ATP8A2: variants seen among roughly 807,000 people sequenced by gnomAD.
ATP8A2 encodes the protein phospholipid-transporting ATPase IB.
Under a neutral mutation model 165.6 loss-of-function variants are expected in ATP8A2, and 100 were observed. That is an observed-to-expected ratio of 0.60 (90% CI 0.51 to 0.71). ATP8A2 has a LOEUF of 0.71. ATP8A2 is among the 30% of genes least tolerant of loss of function. The pLI is 0.00. For synonymous variants in ATP8A2, 543 were observed against 548.8 expected (o/e 0.99, Z 0.15); for missense variants, 1,227 against 1,479.5 (o/e 0.83, Z 2.80).
rs752820104 is a variant in ATP8A2, at chr13:25,578,872, T to C, written c.1840T>C (p.Cys614Arg). The stretch of plus-strand genomic sequence containing the variant: ...CTCAAAATATATGGAGGAAACATTA[T>C]GCCATCTGGAATACTTTGCCACGGA... ...KDSKYMEETL[C>R]HLEYFATEGL... Residue 614 changes from cysteine (C) to arginine (R), a missense_variant, in exon 21 of 37, where the codon TGC becomes CGC. Physicochemically the swap from Cys to Arg is radical, Grantham distance 180. This residue lies in a region of ATP8A2 where 592 missense variants were observed against 785.6 expected (regional missense o/e 0.75). Coordinates refer to ENST00000381655, the MANE Select transcript of ATP8A2 (RefSeq NM_016529.6). 1 of 1,611,448 alleles carries C rather than the reference T, an allele frequency of 6.2e-7. No individual in the cohort carries two copies. The highest frequency in any genetic ancestry group is 2.2e-5 in the East Asian group (1 of 44,862).
chr13:25,526,011 T>C (rs937771466), intron 2 of ATP8A2, among the ~76,000 whole-genome samples: 3 of 152,074 alleles, frequency 2.0e-5, no homozygotes, highest in Admixed American at 2.0e-4. Flanking sequence ...TTTTTTCTTC[T>C]CTGTGTATTT....
At chr13:25,714,104 T>G (rs1177981708) in intron 25 of ATP8A2, among the ~76,000 whole-genome samples, 2 of 151,202 alleles carry the variant, frequency 1.3e-5, no homozygotes, top group Non-Finnish European at 2.9e-5. Flanking sequence ...AGAAGCTGTA[T>G]CCCTCTGCTA....
intron 27 of ATP8A2, among the ~76,000 whole-genome samples, chr13:25,827,195 C>T (rs1951343506): frequency 6.6e-6 from 1 of 152,112 alleles, no homozygotes; most frequent in Admixed American, 6.6e-5. Context: ...CTGCAACCTC[C>T]ACCTCCCAGG....
chr13:25,520,857 G>A lies in ATP8A2; in HGVS notation c.222-9142G>A, dbSNP rs1292943126. 3.3e-5 allele frequency among the ~76,000 whole-genome samples: 5 copies of A among 152,136 alleles called. No individual in the cohort carries two copies. The East Asian group carries it at 5.8e-4, about 18-fold the overall frequency. ...TCTCGATTTCCTGACCTCGTGGTCT[G>A]CCCGCCTTGGCCTCCCAAAGTGTTG... On this transcript the variant is annotated intron_variant, in intron 2 of 36. Transcript: ENST00000381655.
At position 25,551,492 on chromosome 13, in the gene ATP8A2, T is replaced by G. The variant is rs1325329411; in HGVS notation, c.1046T>G (p.Ile349Ser). ...NRSHGEKNWYIKKMDTTSDNF... is the reference protein window; with the variant it reads ...NRSHGEKNWYSKKMDTTSDNF... The stretch of plus-strand genomic sequence containing the variant: ...TCTCATGGTGAAAAGAACTGGTACA[T>G]CAAGAAGATGGGTAAGTGTCGGGGT... The change falls in exon 11 of 37, where the codon ATC becomes AGC. Residue 349 changes from isoleucine (I) to serine (S), a missense_variant. Transcript: ENST00000381655. The G allele has an allele frequency of 6.2e-7, 1 of 1,603,426 alleles. No individual in the cohort carries two copies. The highest frequency in any genetic ancestry group is 8.5e-7 in the Non-Finnish European group (1 of 1,172,214).
chr13:25,458,416 T>G (rs1051586246), intron 1 of ATP8A2, among the ~76,000 whole-genome samples: 26 of 152,346 alleles, frequency 1.7e-4, no homozygotes, highest in Non-Finnish European at 2.6e-4. Flanking sequence ...GGTCTTTCTG[T>G]GTTGCCCATG....
At chr13:25,728,927 T>C (rs1177810440) in intron 25 of ATP8A2, among the ~76,000 whole-genome samples, 2 of 152,218 alleles carry the variant, frequency 1.3e-5, no homozygotes, top group African/African-American at 4.8e-5. Context: ...ACATTAACTC[T>C]GAAAACCCTG....
chr13:25,567,436 A>G (rs1350001398), intron 16 of ATP8A2: 4 of 456,098 alleles, frequency 8.8e-6, no homozygotes, highest in Middle Eastern at 6.5e-4. Context: ...TTTCCTCCTC[A>G]TCGTCTGCCC....
chr13:25,866,574 C>T (rs531461850), intron 33 of ATP8A2, among the ~76,000 whole-genome samples: 12 of 152,092 alleles, frequency 7.9e-5, no homozygotes, highest in African/African-American at 2.7e-4. Context: ...AAATGACAAC[C>T]CCCACCCCCC....
chr13:25,922,174 A>G (rs867405523), intron 33 of ATP8A2, among the ~76,000 whole-genome samples: 1 of 152,226 alleles, frequency 6.6e-6, no homozygotes, highest in Non-Finnish European at 1.5e-5. Context: ...AGGTGGGTCC[A>G]TCATCCTAAT....
intron 24 of ATP8A2, among the ~76,000 whole-genome samples, chr13:25,662,674 A>G (rs2042074787): frequency 6.6e-6 from 1 of 152,172 alleles, no homozygotes; most frequent in African/African-American, 2.4e-5. Context: ...TTAGTGAGTA[A>G]TCCAATCTGG....
intron 24 of ATP8A2, among the ~76,000 whole-genome samples, chr13:25,651,273 T>C (rs1182640600): frequency 1.3e-5 from 2 of 152,220 alleles, no homozygotes; most frequent in African/African-American, 4.8e-5. Context: ...TGAAAACCCA[T>C]CTCTACTAAA....
At chr13:25,428,152 T>G (rs1170304144) in intron 1 of ATP8A2, among the ~76,000 whole-genome samples, 1 of 151,818 alleles carries the variant, frequency 6.6e-6, no homozygotes, top group African/African-American at 2.4e-5. Context: ...CCACTGCACT[T>G]CAGCCTGGGT....
At chr13:25,431,507 G>GGC (rs888663045) in intron 1 of ATP8A2, among the ~76,000 whole-genome samples, 1 of 151,738 alleles carries the variant, frequency 6.6e-6, no homozygotes, top group South Asian at 2.2e-4. Flanking sequence ...GGCGGCGGGG[G>GGC]GGGAATCTCA....
intron 33 of ATP8A2, among the ~76,000 whole-genome samples, chr13:25,931,407 A>G (rs1954766056): frequency 6.6e-6 from 1 of 152,182 alleles, no homozygotes; most frequent in Admixed American, 6.5e-5. Flanking sequence ...CAATTAAGGG[A>G]TATTCAACCT....
intron 35 of ATP8A2, among the ~76,000 whole-genome samples, chr13:25,996,925 C>T (rs1386428886): frequency 2.6e-5 from 4 of 152,192 alleles, no homozygotes; most frequent in Non-Finnish European, 5.9e-5. Flanking sequence ...CTCAGATGAT[C>T]CTCCCACCTC....
intron 2 of ATP8A2, among the ~76,000 whole-genome samples, chr13:25,503,062 C>T (rs925814410): frequency 6.6e-6 from 1 of 152,106 alleles, no homozygotes; most frequent in Admixed American, 6.5e-5. Flanking sequence ...ATGTCCAGGA[C>T]TAGGCGGGTG....
At chr13:25,735,273 G>A (rs1367658052) in intron 25 of ATP8A2, among the ~76,000 whole-genome samples, 1 of 151,792 alleles carries the variant, frequency 6.6e-6, no homozygotes, top group Non-Finnish European at 1.5e-5. Flanking sequence ...TTTTGTTTTT[G>A]TTTTGAGACA....
At chr13:25,938,626 G>A (rs934066522) in intron 33 of ATP8A2, among the ~76,000 whole-genome samples, 1 of 152,142 alleles carries the variant, frequency 6.6e-6, no homozygotes, top group Non-Finnish European at 1.5e-5. Flanking sequence ...CCTTTCATGG[G>A]TCTCCCAGGA....
Sources: allele counts gnomAD v4.1 joint callset (sites outside exome capture counted in the v4.1 genomes callset), GRCh38; gene constraint gnomAD v4.1.1; regional missense constraint gnomAD v4.1.1; transcripts MANE v1.5; gene names NCBI Gene and HGNC (gene_info 2026-07-23, HGNC 2026-07-21).